SH2D4A: variants seen among roughly 807,000 people sequenced by gnomAD.
The protein encoded by SH2D4A is SH2 domain containing 4A.
A neutral mutation model predicts 64.7 loss-of-function variants in SH2D4A; 70 were observed. That is an observed-to-expected ratio of 1.08 (90% CI 0.89 to 1.32). The LOEUF is 1.32. Among genes scored for constraint, SH2D4A ranks in the 40% most tolerant of loss-of-function variants. The probability of loss-of-function intolerance (pLI) is 0.00; values close to 1 mark genes in which losing one functional copy is unlikely to be tolerated. For synonymous variants in SH2D4A, 268 were observed against 200.7 expected, an observed-to-expected ratio of 1.34 and a Z score of -2.83; for missense variants, 706 against 540.1, an observed-to-expected ratio of 1.31 and a Z score of -3.04.
At chr8:19,341,794 A>T (rs2052532824) in intron 4 of SH2D4A, among the ~76,000 whole-genome samples, 2 of 150,414 alleles carry the variant, frequency 1.3e-5, no homozygotes, top group South Asian at 4.2e-4. Flanking sequence ...GCGAGCTATG[A>T]TCACGCTACC....
In SH2D4A at chr8:19,344,955, A is replaced by G. The variant is rs556373413; in HGVS notation, c.513+10098A>G. Among the ~76,000 whole-genome samples the G allele has an allele frequency of 5.9e-5, 9 of 152,210 alleles. No individual in the cohort carries two copies. The South Asian group carries it at 1.2e-3, about 21-fold the overall frequency. On this transcript the variant is annotated intron_variant, in intron 4 of 9. Transcript: ENST00000265807. ...GTTACATATTTTCAGACCTTTTTGG[A>G]TTTTAAAATTGTTGATAAGGAATGG...
At chr8:19,365,423 C>T (rs1170197775) in intron 7 of SH2D4A, among the ~76,000 whole-genome samples, 1 of 152,130 alleles carries the variant, frequency 6.6e-6, no homozygotes, top group Non-Finnish European at 1.5e-5. Flanking sequence ...AAATAGGAGT[C>T]TCTTAATTGT....
chr8:19,332,533 A>G (rs999010808), intron 2 of SH2D4A, among the ~76,000 whole-genome samples: 7 of 151,836 alleles, frequency 4.6e-5, no homozygotes, highest in African/African-American at 1.7e-4. Context: ...CCCTGTCTCT[A>G]CTAAAAATAC....
rs1428378203 is a variant in SH2D4A, at chr8:19,393,304, T to C, written c.1049-14T>C. On this transcript the variant is annotated splice_polypyrimidine_tract_variant and intron_variant, in intron 8 of 9. Coordinates refer to ENST00000265807, the MANE Select transcript of SH2D4A (RefSeq NM_022071.4). ...ATTTGGCTGAAATACCTGCCTTTTTTTGCTTTGCCACAGGAATTCTCACAC... is the reference window on the plus strand; with the variant it reads ...ATTTGGCTGAAATACCTGCCTTTTTCTGCTTTGCCACAGGAATTCTCACAC... The C allele has an allele frequency of 1.2e-6, 2 of 1,613,786 alleles. No homozygotes were observed. The highest frequency in any genetic ancestry group is 1.7e-6 in the Non-Finnish European group (2 of 1,179,692).
At chr8:19,324,169 G>A (rs933878338) in intron 2 of SH2D4A, among the ~76,000 whole-genome samples, 7 of 152,156 alleles carry the variant, frequency 4.6e-5, no homozygotes, top group African/African-American at 1.7e-4. Flanking sequence ...GATTTTATTG[G>A]GTAACGCAAA....
intron 7 of SH2D4A, among the ~76,000 whole-genome samples, chr8:19,364,590 C>G (rs2153648824): frequency 6.6e-6 from 1 of 152,058 alleles, no homozygotes. Context: ...CCCCCGCCCC[C>G]CTCCCCCCCA....
intron 4 of SH2D4A, among the ~76,000 whole-genome samples, chr8:19,347,934 C>T (rs1483890355): frequency 1.3e-5 from 2 of 152,194 alleles, no homozygotes; most frequent in African/African-American, 4.8e-5. Flanking sequence ...ACACACAACA[C>T]ACGTGTGCAT....
At chr8:19,361,501 C>T (rs1253324212) in intron 6 of SH2D4A, among the ~76,000 whole-genome samples, 187 bp downstream of exon 6, 3 of 152,172 alleles carry the variant, frequency 2.0e-5, no homozygotes, top group Non-Finnish European at 2.9e-5. Context: ...ACAGCAGACT[C>T]GTTCTCCATT....
At chr8:19,375,796 G>C (rs2153650378) in intron 8 of SH2D4A, among the ~76,000 whole-genome samples, 1 of 152,246 alleles carries the variant, frequency 6.6e-6, no homozygotes, top group South Asian at 2.1e-4. Context: ...GTGTTAATTA[G>C]TTTGATTTAA....
chr8:19,373,672 G>C lies in SH2D4A; in HGVS notation c.1048+12G>C. ...CCCCTGGTTCCATGGTGAGTGCAGAGATTTCCTCAATGGTGTTTCGTCTTA... is the reference window on the plus strand; with the variant it reads ...CCCCTGGTTCCATGGTGAGTGCAGACATTTCCTCAATGGTGTTTCGTCTTA... On this transcript the variant is annotated intron_variant, in intron 8 of 9. Transcript: ENST00000265807. The C allele has an allele frequency of 3.1e-6, 5 of 1,612,402 alleles. No homozygotes were observed. Among genetic ancestry groups the C allele is most frequent in the Non-Finnish European group, 4.2e-6 (5 of 1,179,104 alleles).
chr8:19,320,364 T>C (rs758850216), intron 2 of SH2D4A, among the ~76,000 whole-genome samples: 18 of 152,204 alleles, frequency 1.2e-4, no homozygotes, highest in Non-Finnish European at 2.1e-4. Flanking sequence ...CAGTGGCTCA[T>C]GCCTGTCATT....
intron 4 of SH2D4A, among the ~76,000 whole-genome samples, chr8:19,343,669 C>T (rs1437358522): frequency 6.6e-6 from 1 of 152,160 alleles, no homozygotes; most frequent in Non-Finnish European, 1.5e-5. Flanking sequence ...GTGCCCAGCA[C>T]TGTTGGGCTT....
intron 4 of SH2D4A, among the ~76,000 whole-genome samples, chr8:19,354,411 A>C (rs1404026599): frequency 6.6e-6 from 1 of 152,198 alleles, no homozygotes; most frequent in Admixed American, 6.5e-5. Flanking sequence ...ATCATCTCCA[A>C]CTACCATGAG....
chr8:19,319,239 A>T (rs1274438743), intron 1 of SH2D4A, 105 bp from the exon 2 acceptor site: 1 of 852,844 alleles, frequency 1.2e-6, no homozygotes, highest in East Asian at 7.2e-5. Flanking sequence ...CTCTGAACTG[A>T]AAAGTGATAC....
chr8:19,322,127 A>C (rs2052201065), intron 2 of SH2D4A, among the ~76,000 whole-genome samples: 1 of 152,194 alleles, frequency 6.6e-6, no homozygotes, highest in Admixed American at 6.5e-5. Flanking sequence ...AGAAAGGGAA[A>C]AAGTTACTCC....
At chr8:19,355,217 A>C (rs932073930) in intron 4 of SH2D4A, among the ~76,000 whole-genome samples, 1 of 152,140 alleles carries the variant, frequency 6.6e-6, no homozygotes, top group Non-Finnish European at 1.5e-5. Context: ...TCCTTTTTGC[A>C]AAACGGTGCC....
intron 4 of SH2D4A, among the ~76,000 whole-genome samples, chr8:19,338,882 G>A (rs549301895): frequency 2.6e-5 from 4 of 152,314 alleles, no homozygotes; most frequent in Non-Finnish European, 5.9e-5. Flanking sequence ...GTTCTTTAGA[G>A]GGACAGGACT....
intron 4 of SH2D4A, among the ~76,000 whole-genome samples, chr8:19,338,796 G>A (rs1433311277): frequency 6.6e-6 from 1 of 152,232 alleles, no homozygotes; most frequent in Non-Finnish European, 1.5e-5. Flanking sequence ...ATTGTAATTT[G>A]TTACAGCAGC....
intron 2 of SH2D4A, among the ~76,000 whole-genome samples, chr8:19,326,039 T>C (rs1277771477): frequency 1.3e-5 from 2 of 152,194 alleles, no homozygotes; most frequent in African/African-American, 4.8e-5. Context: ...CCTTTTCAAT[T>C]GCTCCATTTT....
Sources: allele counts gnomAD v4.1 joint callset (sites outside exome capture counted in the v4.1 genomes callset), GRCh38; gene constraint gnomAD v4.1.1; transcripts MANE v1.5; gene names NCBI Gene and HGNC (gene_info 2026-07-23, HGNC 2026-07-21).